The following XRCC5 variants were observed in gnomAD, a reference collection of about 807,000 sequenced individuals.
The protein encoded by XRCC5 is X-ray repair cross complementing 5, also known as DNA repair protein Ku80.
XRCC5 carries 12 observed loss-of-function variants against 95.7 expected under a neutral mutation model. The ratio of observed to expected loss-of-function variants is 0.13; its 90% CI spans 0.08 to 0.20. XRCC5 has a LOEUF of 0.20. Ranked by LOEUF, XRCC5 falls within the 10% of genes least tolerant of loss-of-function variation. The probability of loss-of-function intolerance (pLI) is 1.00; values close to 1 mark genes in which losing one functional copy is unlikely to be tolerated. For synonymous variants in XRCC5, 281 were observed against 290.3 expected, an observed-to-expected ratio of 0.97 and a Z score of 0.33; for missense variants, 595 against 873.9, an observed-to-expected ratio of 0.68 and a Z score of 4.02.
At chr2:216,174,642 C>T (rs549427602) in intron 16 of XRCC5, among the ~76,000 whole-genome samples, 2 of 152,154 alleles carry the variant, frequency 1.3e-5, no homozygotes, top group African/African-American at 2.4e-5. Flanking sequence ...CAGGAATGTA[C>T]GTCTAATCGA....
Position 216,187,821 on chromosome 2 carries a change from ACTCTCTCTCT to A in XRCC5, c.1835-2372_1835-2363del, listed in dbSNP as rs371097633. 1.0e-2 allele frequency among the ~76,000 whole-genome samples: 477 copies of A among 47,874 alleles called. 8 individuals carry two copies. Among genetic ancestry groups the A allele is most frequent in the Middle Eastern group, 0.016 (1 of 64 alleles). The allele number at this position is 47,874 out of a possible 152,430, so 31.4% of individuals were successfully genotyped here. A position where few individuals can be genotyped will look rare whatever the true frequency, so the allele number is the denominator to read the frequency against. On this transcript the variant is annotated intron_variant, in intron 16 of 20. Coordinates refer to ENST00000392132, the MANE Select transcript of XRCC5 (RefSeq NM_021141.4). ...CACACACACACACACACACACACAC[ACTCTCTCTCT>A]CTCTCTCTCTCTCTCTCTCTCTCTC...
intron 16 of XRCC5, among the ~76,000 whole-genome samples, chr2:216,181,268 C>G (rs1191118114): frequency 6.6e-6 from 1 of 152,156 alleles, no homozygotes; most frequent in Non-Finnish European, 1.5e-5. Flanking sequence ...ACAGTTCCAG[C>G]ATCCTTCATT....
At chr2:216,125,894 A>G (rs370282251) in intron 6 of XRCC5, 23 bp from the exon 7 acceptor site, 1 of 1,590,790 alleles carries the variant, frequency 6.3e-7, no homozygotes, top group South Asian at 1.1e-5. Flanking sequence ...TGTTGCTTTC[A>G]TTTTATATTT....
rs991617157 is a variant in XRCC5 at position 216,205,295 on chromosome 2, C to T, written c.*93C>T. 2.0e-6 allele frequency: 3 copies of T among 1,526,356 alleles called. No homozygotes were observed. In the African/African-American group the frequency reaches 4.1e-5, roughly 21 times the overall value. The allele number at this position is 1,526,356 out of a possible 1,614,324, so 94.6% of individuals were successfully genotyped here. A position where few individuals can be genotyped will look rare whatever the true frequency, so the allele number is the denominator to read the frequency against. On this transcript the variant is annotated 3_prime_UTR_variant, in exon 21 of 21. Coordinates refer to ENST00000392132, the MANE Select transcript of XRCC5 (RefSeq NM_021141.4). Reference sequence around the variant, plus strand: ...GTTGGATGCGGCCATTCAAGGGGAGCCAAAATCTCAAGAAATTCCCAGCAG... The same window carrying T: ...GTTGGATGCGGCCATTCAAGGGGAGTCAAAATCTCAAGAAATTCCCAGCAG...
At chr2:216,142,135 G>A (rs534660189) in intron 13 of XRCC5, among the ~76,000 whole-genome samples, 2 of 152,228 alleles carry the variant, frequency 1.3e-5, no homozygotes, top group African/African-American at 4.8e-5. Flanking sequence ...GACTCCAGGT[G>A]TATACCATTG....
At chr2:216,122,371 A>G (rs1195026411) in intron 6 of XRCC5, 118 bp downstream of exon 6, 3 of 950,614 alleles carry the variant, frequency 3.2e-6, no homozygotes, top group Non-Finnish European at 4.6e-6. Context: ...GTCATTGCTT[A>G]ATATTCTGAG....
Position 216,136,994 on chromosome 2 carries a change from A to C in XRCC5, c.1114-94A>C. The C allele has an allele frequency of 2.1e-6, 3 of 1,418,898 alleles. No homozygotes were observed. The African/African-American group carries it at 4.3e-5, about 21-fold the overall frequency. 87.9% of individuals were successfully genotyped at this position (1,418,898 alleles called of 1,614,324 possible). Reference sequence around the variant, plus strand: ...GGGGGCACCCTAAAAAATGTAAAATAGAAAGAAAGTGATAACAGTCTTAAA... The same window carrying C: ...GGGGGCACCCTAAAAAATGTAAAATCGAAAGAAAGTGATAACAGTCTTAAA... On this transcript the variant is annotated intron_variant, in intron 10 of 20. Transcript: ENST00000392132.
intron 19 of XRCC5, among the ~76,000 whole-genome samples, chr2:216,195,644 A>T (rs1689705549): frequency 1.3e-5 from 2 of 152,294 alleles, no homozygotes; most frequent in Middle Eastern, 3.4e-3. Context: ...TCTTATTCAC[A>T]CACATTGTTA....
At position 216,133,284 on chromosome 2, in the gene XRCC5, G is replaced by A. The variant is rs550349567; in HGVS notation, c.1113+897G>A. ...ATGGATTTCTCTTGAATCAAATCCTGTTGGGAATCATGGAAGTCTAGTATA... is the reference window on the plus strand; with the variant it reads ...ATGGATTTCTCTTGAATCAAATCCTATTGGGAATCATGGAAGTCTAGTATA... On this transcript the variant is annotated intron_variant, in intron 10 of 20. Transcript: ENST00000392132. Among the ~76,000 whole-genome samples the A allele has an allele frequency of 3.9e-5, 6 of 152,308 alleles. No homozygotes were observed. In the South Asian group the frequency reaches 6.2e-4, roughly 16 times the overall value.
At position 216,205,231 on chromosome 2, in the gene XRCC5, G is replaced by C; in HGVS notation, c.*29G>C. On this transcript the variant is annotated 3_prime_UTR_variant, in exon 21 of 21. Coordinates refer to ENST00000392132, the MANE Select transcript of XRCC5 (RefSeq NM_021141.4). The stretch of plus-strand genomic sequence containing the variant: ...GTGGATGTATGGGGAATCTAAGAGA[G>C]CTGCCATCGCTGTGATGCTGGGAGT... 1 of 1,613,910 alleles carries C rather than the reference G, an allele frequency of 6.2e-7. No homozygotes were observed. Among genetic ancestry groups the C allele is most frequent in the Non-Finnish European group, 8.5e-7 (1 of 1,179,788 alleles).
At chr2:216,122,345 G>T (rs1423346271) in intron 6 of XRCC5, 92 bp downstream of exon 6, 1 of 1,227,218 alleles carries the variant, frequency 8.1e-7, no homozygotes, top group Admixed American at 2.3e-5. Context: ...CCTTTTTCTG[G>T]GCCACTCTCT....
intron 9 of XRCC5, among the ~76,000 whole-genome samples, chr2:216,131,999 CT>C (rs1245323755): frequency 6.6e-6 from 1 of 152,162 alleles, no homozygotes; most frequent in Non-Finnish European, 1.5e-5. Flanking sequence ...GCTTGGTGCC[CT>C]CCTTATGTGC....
At chr2:216,168,741 A>T (rs530040547) in intron 16 of XRCC5, among the ~76,000 whole-genome samples, 2 of 152,344 alleles carry the variant, frequency 1.3e-5, no homozygotes, top group East Asian at 3.9e-4. Context: ...AGAGAGCTTT[A>T]TTTCTTATAA....
intron 12 of XRCC5, among the ~76,000 whole-genome samples, chr2:216,140,077 C>G (rs952905927): frequency 1.3e-5 from 2 of 152,170 alleles, no homozygotes; most frequent in Non-Finnish European, 1.5e-5. Flanking sequence ...ACAAGTACTG[C>G]CCCCTACCTG....
chr2:216,176,974 G>A (rs1192568962), intron 16 of XRCC5, among the ~76,000 whole-genome samples: 1 of 152,250 alleles, frequency 6.6e-6, no homozygotes. Context: ...TTATTTAAAT[G>A]TGTTCTTAAA....
rs1696542571 is a variant in XRCC5 at position 216,109,363 on chromosome 2, T to C, written c.-74T>C. On this transcript the variant is annotated 5_prime_UTR_variant, in exon 1 of 21. Transcript: ENST00000392132. ...GGCTCTTTCCGCTATCTGCCGCTTG[T>C]CCACCGGAAGCGAGTTGCGACACGG... The C allele has an allele frequency of 6.2e-7, 1 of 1,610,074 alleles. No homozygotes were observed. Among genetic ancestry groups the C allele is most frequent in the Non-Finnish European group, 8.5e-7 (1 of 1,178,068 alleles).
intron 5 of XRCC5, 34 bp downstream of exon 5, chr2:216,119,199 C>T (rs373696991): frequency 6.2e-7 from 1 of 1,610,994 alleles, no homozygotes; most frequent in East Asian, 2.2e-5. Flanking sequence ...GTAGACAAAT[C>T]CTATGATTTC....
At position 216,205,227 on chromosome 2, in the gene XRCC5, G is replaced by C. The variant is rs372662048; in HGVS notation, c.*25G>C. 1.9e-6 allele frequency: 3 copies of C among 1,613,966 alleles called. No homozygotes were observed. The highest frequency in any genetic ancestry group is 2.5e-6 in the Non-Finnish European group (3 of 1,179,846). On this transcript the variant is annotated 3_prime_UTR_variant, in exon 21 of 21. Transcript: ENST00000392132. The stretch of plus-strand genomic sequence containing the variant: ...GGTCGTGGATGTATGGGGAATCTAA[G>C]AGAGCTGCCATCGCTGTGATGCTGG...
chr2:216,191,764 A>G lies in XRCC5; in HGVS notation c.1945-875A>G, dbSNP rs139577911. 4.3e-3 allele frequency among the ~76,000 whole-genome samples: 649 copies of G among 152,298 alleles called. 2 individuals carry two copies. Among genetic ancestry groups the G allele is most frequent in the African/African-American group, 0.015 (628 of 41,564 alleles). ...TTAAGTTTTATGGAACAATTAGGAA[A>G]ATGAGAATACTGGCTAGTTATTTGG... On this transcript the variant is annotated intron_variant, in intron 17 of 20. Transcript: ENST00000392132.
Sources: allele counts gnomAD v4.1 joint callset (sites outside exome capture counted in the v4.1 genomes callset), GRCh38; gene constraint gnomAD v4.1.1; transcripts MANE v1.5; gene names NCBI Gene and HGNC (gene_info 2026-07-23, HGNC 2026-07-21).